The following SLIT3 variants were observed in gnomAD, a reference collection of about 807,000 sequenced individuals.
SLIT3 encodes slit homolog 3 protein.
A neutral mutation model predicts 184.0 loss-of-function variants in SLIT3; 68 were observed. That is an observed-to-expected ratio of 0.37 (90% CI 0.30 to 0.45). SLIT3 has a LOEUF of 0.45. Ranked by LOEUF, SLIT3 falls within the 20% of genes least tolerant of loss-of-function variation. The pLI, the probability that SLIT3 is intolerant of heterozygous loss-of-function variation, is 1.00. For missense variants in SLIT3, 1,707 were observed against 2,026.0 expected (o/e 0.84, Z 3.02); for synonymous variants, 831 against 828.6 (o/e 1.00, Z -0.05).
intron 3 of SLIT3, among the ~76,000 whole-genome samples, chr5:169,239,501 A>C (rs748724378): frequency 6.6e-6 from 1 of 152,124 alleles, no homozygotes. Flanking sequence ...AATTGATATA[A>C]GACAGATTTT....
In SLIT3 at chr5:169,242,702, T is replaced by C. The variant is rs147032958; in HGVS notation, c.341+2003A>G. 3.0e-3 allele frequency among the ~76,000 whole-genome samples: 463 copies of C among 152,266 alleles called. 2 individuals are homozygous for C. Among genetic ancestry groups the C allele is most frequent in the African/African-American group, 0.011 (452 of 41,548 alleles). On this transcript the variant is annotated intron_variant, in intron 3 of 35. Transcript: ENST00000519560. ...ATAAGTAAACGTCCACTGTGTTAAG[T>C]CACTGAGATTTGAGGGTTTATCTAG...
At chr5:169,139,364 G>T (rs762898636) in intron 4 of SLIT3, among the ~76,000 whole-genome samples, 1 of 152,180 alleles carries the variant, frequency 6.6e-6, no homozygotes, top group African/African-American at 2.4e-5. Context: ...AATTTACTAC[G>T]CATCAAGTTT....
chr5:168,933,114 G>A (rs1156645277), intron 4 of SLIT3, among the ~76,000 whole-genome samples: 2 of 152,220 alleles, frequency 1.3e-5, no homozygotes, highest in Non-Finnish European at 2.9e-5. Flanking sequence ...ATGCAAGGCA[G>A]AGATGTGCAG....
At chr5:168,765,962 C>T (rs1755331342) in intron 14 of SLIT3, among the ~76,000 whole-genome samples, 2 of 152,140 alleles carry the variant, frequency 1.3e-5, no homozygotes, top group South Asian at 4.1e-4. Flanking sequence ...TACAGCAACA[C>T]AATTTTATTA....
At chr5:169,066,694 A>G (rs1288329120) in intron 4 of SLIT3, among the ~76,000 whole-genome samples, 1 of 152,220 alleles carries the variant, frequency 6.6e-6, no homozygotes, top group Non-Finnish European at 1.5e-5. Context: ...GTTTTCGCCC[A>G]AGGAAATCAT....
At chr5:168,996,820 G>A (rs979143623) in intron 4 of SLIT3, among the ~76,000 whole-genome samples, 8 of 152,178 alleles carry the variant, frequency 5.3e-5, no homozygotes, top group Admixed American at 2.6e-4. Flanking sequence ...TACGGCTTCC[G>A]CTGGGATGCA....
chr5:169,297,648 C>T (rs1234837950), intron 1 of SLIT3, among the ~76,000 whole-genome samples: 1 of 152,226 alleles, frequency 6.6e-6, no homozygotes, highest in Non-Finnish European at 1.5e-5. Flanking sequence ...GCTGACAAAA[C>T]GTGCCCCATG....
intron 4 of SLIT3, among the ~76,000 whole-genome samples, chr5:169,099,204 G>T (rs2113224948): frequency 2.0e-5 from 3 of 152,172 alleles, no homozygotes; most frequent in Middle Eastern, 6.8e-3. Context: ...GCTCAGCAAG[G>T]AATATGCCTC....
At chr5:169,244,811 A>G (rs1765533373) in intron 2 of SLIT3, 35 bp from the exon 3 acceptor site, 1 of 1,588,892 alleles carries the variant, frequency 6.3e-7, no homozygotes, top group Non-Finnish European at 8.6e-7. Flanking sequence ...CTAAGGACAA[A>G]GCTGGGCTCA....
intron 4 of SLIT3, among the ~76,000 whole-genome samples, chr5:169,115,757 A>C (rs757791213): frequency 2.0e-5 from 3 of 152,242 alleles, no homozygotes; most frequent in Non-Finnish European, 4.4e-5. Flanking sequence ...ATCACTCCTC[A>C]CATTGCAAAT....
intron 1 of SLIT3, among the ~76,000 whole-genome samples, chr5:169,262,705 C>T (rs1202017819): frequency 6.6e-6 from 1 of 151,932 alleles, no homozygotes; most frequent in African/African-American, 2.4e-5. Flanking sequence ...AGGGGGTTCT[C>T]ATTACTGCCC....
intron 4 of SLIT3, among the ~76,000 whole-genome samples, chr5:169,099,894 C>A (rs1759941600): frequency 6.6e-6 from 1 of 152,212 alleles, no homozygotes. Flanking sequence ...GGGCATCTGC[C>A]AGCTGGAAGA....
intron 4 of SLIT3, among the ~76,000 whole-genome samples, chr5:168,981,111 C>T (rs1316566805): frequency 2.0e-5 from 3 of 152,194 alleles, no homozygotes; most frequent in East Asian, 1.9e-4. Flanking sequence ...TCAACATTCA[C>T]ATGCAAGGCG....
chr5:168,709,039 C>T (rs1762464470), intron 25 of SLIT3, among the ~76,000 whole-genome samples: 1 of 151,808 alleles, frequency 6.6e-6, no homozygotes, highest in Non-Finnish European at 1.5e-5. Flanking sequence ...CAAGAATGGC[C>T]CAGACAAAAC....
At chr5:169,044,445 T>A (rs1389155539) in intron 4 of SLIT3, among the ~76,000 whole-genome samples, 1 of 152,138 alleles carries the variant, frequency 6.6e-6, no homozygotes, top group Admixed American at 6.5e-5. Context: ...GCATTACAGA[T>A]GAATCTTGAA....
At chr5:168,774,604 A>G (rs1235600168) in intron 12 of SLIT3, among the ~76,000 whole-genome samples, 1 of 152,194 alleles carries the variant, frequency 6.6e-6, no homozygotes, top group Non-Finnish European at 1.5e-5. Context: ...ACTATGCCAT[A>G]CACTGCTCTC....
rs576576656 is a variant in SLIT3 at position 168,782,355 on chromosome 5, C to T, written c.1151+3552G>A. Among the ~76,000 whole-genome samples the T allele has an allele frequency of 2.0e-5, 3 of 152,342 alleles. No homozygotes were observed. In the South Asian group the frequency reaches 6.2e-4, roughly 32 times the overall value. On this transcript the variant is annotated intron_variant, in intron 12 of 35. Transcript: ENST00000519560. ...GTGATCGATGAGCACTAAATGAATG[C>T]TCCTGACTCCCTGGAGGGGAGGTGT...
At chr5:168,806,651 C>T in intron 8 of SLIT3, 64 bp from the exon 9 acceptor site, 1 of 1,588,678 alleles carries the variant, frequency 6.3e-7, no homozygotes, top group Non-Finnish European at 8.6e-7. Context: ...GCTTCTGTGT[C>T]CTTAACCAGC....
chr5:168,800,904 C>T (rs1169050128), intron 9 of SLIT3, among the ~76,000 whole-genome samples: 3 of 152,184 alleles, frequency 2.0e-5, no homozygotes, highest in African/African-American at 7.2e-5. Flanking sequence ...CACACATATA[C>T]ATGTGCAGAT....
Sources: gnomAD v4.1 joint callset for allele counts (sites outside exome capture counted in the v4.1 genomes callset) on GRCh38, gnomAD v4.1.1 for gene constraint, MANE v1.5 for transcripts, NCBI Gene and HGNC (gene_info 2026-07-23, HGNC 2026-07-21) for gene names.